MGAT4C: variants seen among roughly 807,000 people sequenced by gnomAD.
MGAT4C encodes alpha-1,3-mannosyl-glycoprotein 4-beta-N-acetylglucosaminyltransferase C.
A neutral mutation model predicts 40.1 loss-of-function variants in MGAT4C; 19 were observed. The ratio of observed to expected loss-of-function variants is 0.47; its 90% confidence interval spans 0.33 to 0.70. The LOEUF is 0.70. Among genes scored for constraint, MGAT4C ranks in the 30% least tolerant of loss-of-function variants. The pLI is 0.02. For missense variants in MGAT4C, 491 were observed against 563.2 expected, an observed-to-expected ratio of 0.87 and a Z score of 1.30; for synonymous variants, 181 against 187.1, an observed-to-expected ratio of 0.97 and a Z score of 0.27.
intron 3 of MGAT4C, among the ~76,000 whole-genome samples, chr12:86,406,321 G>A (rs1002800058): frequency 1.3e-5 from 2 of 151,372 alleles, no homozygotes; most frequent in Admixed American, 1.3e-4. Flanking sequence ...CTTTCAAAGT[G>A]GAGAAAAATA....
At chr12:86,163,316 C>T (rs1885816547) in intron 1 of MGAT4C, among the ~76,000 whole-genome samples, 2 of 151,698 alleles carry the variant, frequency 1.3e-5, no homozygotes, top group South Asian at 4.2e-4. Flanking sequence ...TTCTGCCTCT[C>T]GAGTAGCTAG....
intron 2 of MGAT4C, among the ~76,000 whole-genome samples, chr12:86,723,814 C>T (rs1950776606): frequency 6.6e-6 from 1 of 152,124 alleles, no homozygotes; most frequent in Non-Finnish European, 1.5e-5. Flanking sequence ...GCTATTGTAA[C>T]ATTTTTCAGT....
intron 2 of MGAT4C, among the ~76,000 whole-genome samples, chr12:86,635,696 T>C (rs1035555761): frequency 3.3e-5 from 5 of 151,620 alleles, no homozygotes; most frequent in African/African-American, 9.7e-5. Context: ...TATGTTAAGA[T>C]AGGATCTTGC....
chr12:85,985,851 G>T (rs948823653), intron 3 of MGAT4C, among the ~76,000 whole-genome samples: 2 of 152,110 alleles, frequency 1.3e-5, no homozygotes, highest in Non-Finnish European at 2.9e-5. Flanking sequence ...ATGTAGTGAT[G>T]TACATAATTA....
chr12:86,471,086 A>C (rs1409216759), intron 2 of MGAT4C, among the ~76,000 whole-genome samples: 1 of 152,108 alleles, frequency 6.6e-6, no homozygotes, highest in Non-Finnish European at 1.5e-5. Flanking sequence ...AGAAATATTT[A>C]CTGTTGACAT....
intron 1 of MGAT4C, among the ~76,000 whole-genome samples, chr12:86,837,168 G>T (rs938818680): frequency 6.6e-6 from 1 of 152,006 alleles, no homozygotes; most frequent in South Asian, 2.1e-4. Flanking sequence ...GGAGGGAAAA[G>T]GTTCCACAAA....
chr12:86,801,077 C>T (rs1952216963), intron 1 of MGAT4C, among the ~76,000 whole-genome samples: 1 of 151,898 alleles, frequency 6.6e-6, no homozygotes, highest in Non-Finnish European at 1.5e-5. Context: ...TTCTCATTCA[C>T]TGACTTTATG....
intron 2 of MGAT4C, among the ~76,000 whole-genome samples, chr12:86,458,880 T>G (rs751597255): frequency 1.3e-5 from 2 of 152,142 alleles, no homozygotes; most frequent in African/African-American, 4.8e-5. Flanking sequence ...GTTTTAGAGA[T>G]AGTAATGCAA....
intron 2 of MGAT4C, among the ~76,000 whole-genome samples, chr12:86,497,987 C>A (rs1446367596): frequency 1.4e-5 from 2 of 139,600 alleles, no homozygotes; most frequent in Admixed American, 7.5e-5. Context: ...TATATATAAT[C>A]TTTATATATT....
Position 86,265,465 on chromosome 12 carries a change from TTGGC to T in MGAT4C, c.-57+68596_-57+68599del, listed in dbSNP as rs1952762932. 3.3e-5 allele frequency among the ~76,000 whole-genome samples: 5 copies of T among 152,364 alleles called. No homozygotes were observed. The South Asian group carries it at 1.0e-3, about 32-fold the overall frequency. The stretch of plus-strand genomic sequence containing the variant: ...TCTTGTTTACTTTGTCAAATACCAG[TTGGC>T]TATAAGTATGTGACTTTATTTCCGG... On this transcript the variant is annotated intron_variant, in intron 4 of 7. Transcript: ENST00000548651.
intron 3 of MGAT4C, among the ~76,000 whole-genome samples, chr12:86,341,625 G>C (rs1487173398): frequency 6.6e-6 from 1 of 152,208 alleles, no homozygotes; most frequent in African/African-American, 2.4e-5. Context: ...CTCCCAGAAG[G>C]AGGGTCAGGC....
chr12:86,577,316 G>T (rs1348942559), intron 2 of MGAT4C, among the ~76,000 whole-genome samples: 1 of 151,710 alleles, frequency 6.6e-6, no homozygotes, highest in Non-Finnish European at 1.5e-5. Context: ...TTGTCTGATT[G>T]TTCTACCTAG....
chr12:86,819,186 A>G (rs1952659101), intron 1 of MGAT4C, among the ~76,000 whole-genome samples: 1 of 151,024 alleles, frequency 6.6e-6, no homozygotes, highest in Non-Finnish European at 1.5e-5. Context: ...GTCAATTATT[A>G]TATCTCAGTT....
At chr12:86,112,118 T>C (rs1877535613) in intron 1 of MGAT4C, among the ~76,000 whole-genome samples, 1 of 151,760 alleles carries the variant, frequency 6.6e-6, no homozygotes, top group African/African-American at 2.4e-5. Context: ...GCATATCATC[T>C]ATGCATTATT....
chr12:85,999,606 T>C (rs1466307388), intron 2 of MGAT4C, among the ~76,000 whole-genome samples: 1 of 148,274 alleles, frequency 6.7e-6, no homozygotes. Flanking sequence ...TATATATATA[T>C]ATACATACAC....
At chr12:86,803,772 G>A (rs1415139234) in intron 1 of MGAT4C, among the ~76,000 whole-genome samples, 2 of 149,290 alleles carry the variant, frequency 1.3e-5, no homozygotes, top group African/African-American at 2.5e-5. Context: ...AACAACAGGT[G>A]CTGGAGAGGA....
intron 2 of MGAT4C, among the ~76,000 whole-genome samples, chr12:86,037,050 C>A (rs1304122418): frequency 6.7e-6 from 1 of 150,250 alleles, no homozygotes; most frequent in African/African-American, 2.4e-5. Context: ...TTATCCATTT[C>A]TTCTAGATTT....
chr12:86,040,569 C>T (rs1032643545), intron 2 of MGAT4C, among the ~76,000 whole-genome samples: 19 of 152,254 alleles, frequency 1.2e-4, no homozygotes, highest in Non-Finnish European at 1.9e-4. Flanking sequence ...TCAGCAATGG[C>T]GGAAGCCCCT....
chr12:86,493,690 T>C (rs1041627223), intron 2 of MGAT4C, among the ~76,000 whole-genome samples: 1 of 151,918 alleles, frequency 6.6e-6, no homozygotes, highest in Admixed American at 6.6e-5. Context: ...GAGATATACC[T>C]AATGCTATAT....
Sources: gnomAD v4.1 joint callset for allele counts (sites outside exome capture counted in the v4.1 genomes callset) on GRCh38, gnomAD v4.1.1 for gene constraint, MANE v1.5 for transcripts, NCBI Gene and HGNC (gene_info 2026-07-23, HGNC 2026-07-21) for gene names.